The following IL1RAPL1 variants were observed in gnomAD, a reference collection of about 807,000 sequenced individuals.
IL1RAPL1 encodes interleukin 1 receptor accessory protein like 1.
Under a neutral mutation model 48.4 loss-of-function variants are expected in IL1RAPL1, and 3 were observed. That is an observed-to-expected ratio of 0.06 (90% CI 0.03 to 0.16). The LOEUF is 0.16. Among genes scored for constraint, IL1RAPL1 ranks in the 10% least tolerant of loss-of-function variants. The pLI, the probability that IL1RAPL1 is intolerant of heterozygous loss-of-function variation, is 1.00. For missense variants in IL1RAPL1, 349 were observed against 530.6 expected (o/e 0.66, Z 3.36); for synonymous variants, 185 against 187.7 (o/e 0.99, Z 0.12).
intron 6 of IL1RAPL1, among the ~76,000 whole-genome samples, chrX:29,844,185 A>G (rs1400654257): frequency 1.8e-5 from 2 of 112,168 alleles, no homozygotes; most frequent in African/African-American, 6.5e-5. Context: ...ATGTCAGGCA[A>G]TGTTCTAGAT....
intron 6 of IL1RAPL1, among the ~76,000 whole-genome samples, chrX:29,735,653 A>G (rs1250794458): frequency 8.9e-6 from 1 of 112,134 alleles, no homozygotes; most frequent in Admixed American, 9.5e-5. Flanking sequence ...CAGCATTTCA[A>G]GAGGCTAAGA....
chrX:29,446,555 G>A (rs1934614766), intron 5 of IL1RAPL1, among the ~76,000 whole-genome samples: 1 of 111,437 alleles, frequency 9.0e-6, no homozygotes, highest in East Asian at 2.8e-4. Context: ...AACCATATAT[G>A]GCCAATACAG....
intron 2 of IL1RAPL1, among the ~76,000 whole-genome samples, chrX:29,193,131 T>C (rs1035537159): frequency 1.6e-4 from 18 of 110,851 alleles, no homozygotes; most frequent in African/African-American, 5.9e-4. Context: ...TAGTTTATAA[T>C]TTACTTTGCT....
intron 2 of IL1RAPL1, among the ~76,000 whole-genome samples, chrX:28,792,787 C>CAAAAAAAAAA (rs1189410830): frequency 1.0e-4 from 1 of 9,723 alleles, no homozygotes; most frequent in Non-Finnish European, 1.3e-4. Context: ...GACTCCATCT[C>CAAAAAAAAAA]AAAAAAAAAA....
chrX:29,557,102 G>C (rs941107053), intron 5 of IL1RAPL1, among the ~76,000 whole-genome samples: 3 of 111,830 alleles, frequency 2.7e-5, no homozygotes, highest in Admixed American at 1.9e-4. Flanking sequence ...AGAATCCAAA[G>C]AAACATGTTG....
At chrX:29,350,369 A>G (rs1437300050) in intron 3 of IL1RAPL1, among the ~76,000 whole-genome samples, 2 of 100,057 alleles carry the variant, frequency 2.0e-5, no homozygotes, top group Admixed American at 1.1e-4. Flanking sequence ...TCACCTTACT[A>G]TCCATCAGGT....
At chrX:29,540,224 G>T (rs1486280093) in intron 5 of IL1RAPL1, among the ~76,000 whole-genome samples, 2 of 107,953 alleles carry the variant, frequency 1.9e-5, no homozygotes, top group Non-Finnish European at 3.8e-5. Context: ...TAACCAAGAA[G>T]ATGAAAGATC....
At chrX:28,627,763 A>T (rs1162840647) in intron 1 of IL1RAPL1, among the ~76,000 whole-genome samples, 1 of 111,621 alleles carries the variant, frequency 9.0e-6, no homozygotes, top group African/African-American at 3.3e-5. Flanking sequence ...AATTTCTGGG[A>T]TCAGGTGCAC....
chrX:29,530,938 C>A (rs1177113087), intron 5 of IL1RAPL1, among the ~76,000 whole-genome samples: 1 of 112,022 alleles, frequency 8.9e-6, no homozygotes, highest in African/African-American at 3.2e-5. Context: ...AAAATAGGGG[C>A]AGTAACAGTT....
At chrX:29,742,604 A>G (rs1457097396) in intron 6 of IL1RAPL1, among the ~76,000 whole-genome samples, 3 of 111,405 alleles carry the variant, frequency 2.7e-5, no homozygotes, top group Admixed American at 1.9e-4. Context: ...TAACTATCCA[A>G]CCACCTGTGC....
At chrX:28,661,483 TGA>T (rs1254811062) in intron 1 of IL1RAPL1, among the ~76,000 whole-genome samples, 1 of 111,588 alleles carries the variant, frequency 9.0e-6, no homozygotes, top group Non-Finnish European at 1.9e-5. Context: ...ATTGGATCTC[TGA>T]GAGGGCTTAG....
intron 6 of IL1RAPL1, among the ~76,000 whole-genome samples, chrX:29,709,727 C>T (rs1302422820): frequency 9.0e-6 from 1 of 111,375 alleles, no homozygotes; most frequent in African/African-American, 3.3e-5. Flanking sequence ...TCGATAAGTA[C>T]ACCAAGGAAT....
rs143965987 is a variant in IL1RAPL1, at chrX:29,704,001, C to T, written c.778+35497C>T. ...GCAGTGGCATAATCATAGCTTACTG[C>T]GACTTCAAACTCCTAGGCTCAAGCG... On this transcript the variant is annotated intron_variant, in intron 6 of 10. Transcript: ENST00000378993. Among the ~76,000 whole-genome samples, 913 of 111,418 alleles carry T rather than the reference C, an allele frequency of 8.2e-3. 12 individuals carry two copies. Among genetic ancestry groups the T allele is most frequent in the African/African-American group, 0.028 (866 of 30,641 alleles).
At chrX:29,716,041 C>T (rs996170240) in intron 6 of IL1RAPL1, among the ~76,000 whole-genome samples, 10 of 111,439 alleles carry the variant, frequency 9.0e-5, no homozygotes, top group African/African-American at 2.9e-4. Context: ...TTCTCTGGGA[C>T]AGAGTCTCTG....
chrX:29,089,137 C>CAGTAAAGAGGGGAGT (rs1392472254), intron 2 of IL1RAPL1, among the ~76,000 whole-genome samples: 3 of 111,072 alleles, frequency 2.7e-5, no homozygotes, highest in Non-Finnish European at 5.7e-5. Context: ...AGGGAGACAG[C>CAGTAAAGAGGGGAGT]AGTAAAGAGG....
chrX:29,668,201 G>A (rs1442172864), intron 5 of IL1RAPL1, among the ~76,000 whole-genome samples: 2 of 112,217 alleles, frequency 1.8e-5, no homozygotes, highest in Non-Finnish European at 3.8e-5. Flanking sequence ...TAATTCATTA[G>A]TGTCATGTGA....
chrX:29,188,878 C>G (rs779287547), intron 2 of IL1RAPL1, among the ~76,000 whole-genome samples: 1 of 111,246 alleles, frequency 9.0e-6, no homozygotes, highest in Non-Finnish European at 1.9e-5. Context: ...CCACCACGCC[C>G]GCCCACTATT....
At chrX:29,701,825 G>A (rs965594539) in intron 6 of IL1RAPL1, among the ~76,000 whole-genome samples, 1 of 111,270 alleles carries the variant, frequency 9.0e-6, no homozygotes, top group Non-Finnish European at 1.9e-5. Flanking sequence ...GGAAGAGAGA[G>A]AAAGAGTGAG....
chrX:29,342,516 A>G (rs762864399), intron 3 of IL1RAPL1, among the ~76,000 whole-genome samples: 2 of 111,866 alleles, frequency 1.8e-5, no homozygotes, highest in African/African-American at 3.3e-5. Context: ...GAGGTCAAGC[A>G]TGTAACTTTT....
Sources: allele counts gnomAD v4.1 joint callset (sites outside exome capture counted in the v4.1 genomes callset), GRCh38; gene constraint gnomAD v4.1.1; transcripts MANE v1.5; gene names NCBI Gene and HGNC (gene_info 2026-07-23, HGNC 2026-07-21).